Variants in NUDCD1 observed in about 807,000 individuals in gnomAD.
NUDCD1 encodes nudC domain-containing protein 1.
Under a neutral mutation model 67.8 loss-of-function variants are expected in NUDCD1, and 60 were observed. The ratio of observed to expected loss-of-function variants is 0.88; its 90% confidence interval spans 0.72 to 1.10. The LOEUF (loss-of-function observed/expected upper bound fraction) is 1.10, where lower values mean the gene tolerates loss of function less well. NUDCD1 is among the 50% of genes least tolerant of loss of function. The pLI, the probability that NUDCD1 is intolerant of heterozygous loss-of-function variation, is 0.00. For missense variants in NUDCD1, 643 were observed against 695.0 expected, an observed-to-expected ratio of 0.93 and a Z score of 0.84; for synonymous variants, 244 against 230.8, an observed-to-expected ratio of 1.06 and a Z score of -0.52.
At chr8:109,317,927 T>A (rs1449526866) in intron 2 of NUDCD1, among the ~76,000 whole-genome samples, 2 of 152,192 alleles carry the variant, frequency 1.3e-5, no homozygotes, top group Non-Finnish European at 2.9e-5. Flanking sequence ...TATTACCATG[T>A]AATAGTTACC....
chr8:109,251,918 T>C (rs1813631520), intron 8 of NUDCD1, among the ~76,000 whole-genome samples: 1 of 152,142 alleles, frequency 6.6e-6, no homozygotes, highest in Non-Finnish European at 1.5e-5. Context: ...CCCTAAGCTT[T>C]AGCTGTATTC....
chr8:109,250,441 T>C (rs117614170), intron 8 of NUDCD1, among the ~76,000 whole-genome samples: 1 of 152,088 alleles, frequency 6.6e-6, no homozygotes, highest in African/African-American at 2.4e-5. Flanking sequence ...TTTTTCATGG[T>C]GGTATTAGAA....
chr8:109,288,498 G>A (rs1214081303), intron 5 of NUDCD1, among the ~76,000 whole-genome samples: 1 of 152,062 alleles, frequency 6.6e-6, no homozygotes, highest in Admixed American at 6.5e-5. Context: ...AACAAAAAAC[G>A]AATCCCACAT....
intron 8 of NUDCD1, among the ~76,000 whole-genome samples, chr8:109,266,187 T>C (rs551685582): frequency 6.6e-6 from 1 of 151,784 alleles, no homozygotes; most frequent in South Asian, 2.1e-4. Context: ...ATCCAAATGA[T>C]TATCATTTCA....
intron 2 of NUDCD1, among the ~76,000 whole-genome samples, chr8:109,318,958 G>GTT (rs34597876): frequency 7.6e-5 from 10 of 131,460 alleles, no homozygotes; most frequent in Non-Finnish European, 1.1e-4. Flanking sequence ...CCCATTTTAT[G>GTT]TTTTTTTTTT....
chr8:109,278,613 T>G (rs998001193), intron 6 of NUDCD1, among the ~76,000 whole-genome samples: 1 of 152,216 alleles, frequency 6.6e-6, no homozygotes, highest in South Asian at 2.1e-4. Context: ...CACCATAGAT[T>G]AGTTTTGCCA....
intron 5 of NUDCD1, among the ~76,000 whole-genome samples, chr8:109,289,224 C>G (rs1057187517): frequency 6.6e-6 from 1 of 152,040 alleles, no homozygotes; most frequent in African/African-American, 2.4e-5. Context: ...ATCCGCCCAC[C>G]TAGGCCTCCC....
intron 9 of NUDCD1, among the ~76,000 whole-genome samples, chr8:109,244,905 T>C (rs1813458375): frequency 6.6e-6 from 1 of 152,316 alleles, no homozygotes; most frequent in East Asian, 1.9e-4. Context: ...ACAAAAGATG[T>C]CTCCTAATGT....
chr8:109,292,447 T>C (rs1814732098), intron 4 of NUDCD1, among the ~76,000 whole-genome samples: 1 of 148,134 alleles, frequency 6.8e-6, no homozygotes, highest in South Asian at 2.1e-4. Context: ...ATAGCTGTTT[T>C]AGAATAAAAG....
chr8:109,264,864 T>TA (rs983606344), intron 8 of NUDCD1, among the ~76,000 whole-genome samples: 2 of 151,852 alleles, frequency 1.3e-5, no homozygotes, highest in African/African-American at 2.4e-5. Context: ...TTTTTTTTTT[T>TA]ACTCTGGAAA....
intron 2 of NUDCD1, among the ~76,000 whole-genome samples, chr8:109,317,818 C>T (rs1163602343): frequency 6.6e-6 from 1 of 152,156 alleles, no homozygotes; most frequent in Non-Finnish European, 1.5e-5. Context: ...TTTCACACAC[C>T]TTGCTTTAAC....
chr8:109,268,981 T>C (rs1332077482), intron 8 of NUDCD1, among the ~76,000 whole-genome samples: 1 of 152,120 alleles, frequency 6.6e-6, no homozygotes, highest in East Asian at 1.9e-4. Context: ...CTGGATATAA[T>C]AATCTGATTA....
chr8:109,276,536 T>A (rs75274351), intron 6 of NUDCD1, among the ~76,000 whole-genome samples: 3,151 of 152,342 alleles, frequency 0.021, 109 homozygotes, highest in African/African-American at 0.072. Flanking sequence ...CACTACCTTA[T>A]GAATTACAGC....
chr8:109,308,498 T>C (rs536922296), intron 2 of NUDCD1, among the ~76,000 whole-genome samples: 1 of 151,578 alleles, frequency 6.6e-6, no homozygotes, highest in Non-Finnish European at 1.5e-5. Context: ...CTAAATGAAA[T>C]TGAAACAAAC....
chr8:109,322,575 G>T, intron 1 of NUDCD1, 112 bp from the exon 2 acceptor site: 1 of 705,012 alleles, frequency 1.4e-6, no homozygotes, highest in Non-Finnish European at 2.4e-6. Context: ...AATCACAAAG[G>T]CCTTCAGGAC....
At chr8:109,300,768 C>CA (rs1393572071) in intron 2 of NUDCD1, among the ~76,000 whole-genome samples, 2 of 152,008 alleles carry the variant, frequency 1.3e-5, no homozygotes, top group Non-Finnish European at 2.9e-5. Flanking sequence ...AAATTCACTG[C>CA]AAAAAAATCA....
At chr8:109,245,546 C>T in intron 8 of NUDCD1, 65 bp from the exon 9 acceptor site, 1 of 1,233,058 alleles carries the variant, frequency 8.1e-7, no homozygotes, top group South Asian at 1.4e-5. Context: ...ATAACAATGG[C>T]AGAAGCTGAC....
intron 9 of NUDCD1, 119 bp from the exon 10 acceptor site, chr8:109,243,420 T>G: frequency 1.4e-6 from 1 of 733,168 alleles, no homozygotes; most frequent in Non-Finnish European, 2.2e-6. Flanking sequence ...CCAAGTAAAA[T>G]ATATACCATA....
intron 5 of NUDCD1, among the ~76,000 whole-genome samples, chr8:109,286,788 TAAATG>T (rs1400146076): frequency 3.3e-5 from 5 of 152,174 alleles, no homozygotes; most frequent in African/African-American, 1.2e-4. Context: ...GGTACCTAAT[TAAATG>T]AAAGAGTTCC....
Sources: allele counts gnomAD v4.1 joint callset (sites outside exome capture counted in the v4.1 genomes callset), GRCh38; gene constraint gnomAD v4.1.1; transcripts MANE v1.5; gene names NCBI Gene and HGNC (gene_info 2026-07-23, HGNC 2026-07-21).